The following POU2AF2 variants were observed in gnomAD, a reference collection of about 807,000 sequenced individuals.
POU2AF2 encodes the protein POU class 2 homeobox associating factor 2.
the POU2AF2 span, among the ~76,000 whole-genome samples, chr11:111,260,674 A>G: frequency 6.6e-6 from 1 of 152,208 alleles, no homozygotes; most frequent in African/African-American, 2.4e-5. Flanking sequence ...ATTCACCCCT[A>G]GAGTCTGGAG....
chr11:111,280,725 A>T, the POU2AF2 span, among the ~76,000 whole-genome samples: 2 of 152,358 alleles, frequency 1.3e-5, no homozygotes, highest in East Asian at 3.9e-4. Context: ...GATATGCCAA[A>T]GAGAAGCCGG....
the POU2AF2 span, among the ~76,000 whole-genome samples, chr11:111,279,620 C>T: frequency 6.6e-6 from 1 of 152,180 alleles, no homozygotes; most frequent in African/African-American, 2.4e-5. Context: ...CTCTCCTCTT[C>T]CTATTAGGAC....
At chr11:111,257,612 G>T in the POU2AF2 span, among the ~76,000 whole-genome samples, 1 of 152,182 alleles carries the variant, frequency 6.6e-6, no homozygotes, top group African/African-American at 2.4e-5. Flanking sequence ...CTGACCTCAT[G>T]ATCCACCTGC....
chr11:111,275,991 T>C, the POU2AF2 span, among the ~76,000 whole-genome samples: 37,668 of 151,176 alleles, frequency 0.25, 5,168 homozygotes, highest in South Asian at 0.47. Context: ...ACAGAGAAAA[T>C]AGAGAGGTTA....
chr11:111,280,050 A>AT, the POU2AF2 span, among the ~76,000 whole-genome samples: 169 of 94,158 alleles, frequency 1.8e-3, 1 homozygote, highest in South Asian at 0.026. Flanking sequence ...CAAAAAAAAA[A>AT]AAAAAAAATA....
chr11:111,256,960 C>T, the POU2AF2 span, among the ~76,000 whole-genome samples: 1 of 152,188 alleles, frequency 6.6e-6, no homozygotes, highest in Non-Finnish European at 1.5e-5. Flanking sequence ...ATCTGCCATC[C>T]ATGTCTTTAT....
chr11:111,264,554 AAGAAAGAAAGAAAGAAAGAAAGGGAG>A, the POU2AF2 span, among the ~76,000 whole-genome samples: 182 of 62,398 alleles, frequency 2.9e-3, 15 homozygotes, highest in South Asian at 6.4e-3. Flanking sequence ...GAAAGAAAGA[AAGAAAGAAAGAAAGAAAGAAAGGGAG>A]AGAGAAAGAC....
chr11:111,284,301 GCT>G, the POU2AF2 span: 3 of 1,613,010 alleles, frequency 1.9e-6, no homozygotes, highest in Middle Eastern at 1.8e-4. Context: ...CCCAACGCGG[GCT>G]CTCTGTTCAG....
the POU2AF2 span, chr11:111,284,393 C>A: frequency 6.3e-7 from 1 of 1,576,984 alleles, no homozygotes; most frequent in Non-Finnish European, 8.6e-7. Context: ...TATGCAGAGA[C>A]CTCGTGTGAG....
the POU2AF2 span, among the ~76,000 whole-genome samples, chr11:111,276,433 T>TAAAAAGA: frequency 1.6e-3 from 50 of 30,536 alleles, 1 homozygote; most frequent in Admixed American, 4.0e-3. Context: ...CCATCTCTAC[T>TAAAAAGA]AAAAAGAAAA....
chr11:111,253,239 G>A, the POU2AF2 span, among the ~76,000 whole-genome samples: 1 of 152,124 alleles, frequency 6.6e-6, no homozygotes, highest in Non-Finnish European at 1.5e-5. Flanking sequence ...AAACCTGTGT[G>A]TCAGAAATCA....
At chr11:111,284,423 G>T in the POU2AF2 span, 28 of 1,523,082 alleles carry the variant, frequency 1.8e-5, no homozygotes, top group Non-Finnish European at 2.5e-5. Context: ...GAGGGGCGAG[G>T]CTCGCCCTCT....
At chr11:111,253,467 T>C in the POU2AF2 span, among the ~76,000 whole-genome samples, 1 of 152,210 alleles carries the variant, frequency 6.6e-6, no homozygotes, top group East Asian at 1.9e-4. Context: ...AGCAATTCCA[T>C]GGTGGAAACT....
chr11:111,264,491 CGAAAGAAAGAAAGAAAGAAAGAAAGAAA>C, the POU2AF2 span, among the ~76,000 whole-genome samples: 1,014 of 86,034 alleles, frequency 0.012, 24 homozygotes, highest in Middle Eastern at 0.026. Flanking sequence ...GCAAGACTCA[CGAAAGAAAGAAAGAAAGAAAGAAAGAAA>C]GAAAGAAAGA....
At chr11:111,261,038 C>T in the POU2AF2 span, among the ~76,000 whole-genome samples, 1 of 152,134 alleles carries the variant, frequency 6.6e-6, no homozygotes, top group Non-Finnish European at 1.5e-5. Context: ...AAAAAATATC[C>T]CTTGCATCAA....
the POU2AF2 span, among the ~76,000 whole-genome samples, chr11:111,281,664 G>T: frequency 0.25 from 37,534 of 152,082 alleles, 5,167 homozygotes; most frequent in South Asian, 0.46. Context: ...AGCTTTTGGG[G>T]CAAAGGCAAT....
chr11:111,280,057 A>AATATATATATATATAT, the POU2AF2 span, among the ~76,000 whole-genome samples: 227 of 76,390 alleles, frequency 3.0e-3, no homozygotes, highest in East Asian at 9.6e-3. Flanking sequence ...AAAAAAAAAA[A>AATATATATATATATAT]ATATATATAT....
the POU2AF2 span, among the ~76,000 whole-genome samples, chr11:111,273,393 T>C: frequency 6.6e-6 from 1 of 152,204 alleles, no homozygotes; most frequent in Admixed American, 6.5e-5. Flanking sequence ...AGATGTTCAA[T>C]ATGGTATCAT....
chr11:111,281,057 G>T, the POU2AF2 span, among the ~76,000 whole-genome samples: 1 of 152,164 alleles, frequency 6.6e-6, no homozygotes, highest in Non-Finnish European at 1.5e-5. Context: ...CGTGGGTAAG[G>T]GGAGGCTACT....
Sources: allele counts gnomAD v4.1 joint callset (sites outside exome capture counted in the v4.1 genomes callset), GRCh38; gene constraint gnomAD v4.1.1; transcripts MANE v1.5; gene names NCBI Gene and HGNC (gene_info 2026-07-23, HGNC 2026-07-21).